ROBO2: variants seen among roughly 807,000 people sequenced by gnomAD.
The protein encoded by ROBO2 is roundabout guidance receptor 2.
Under a neutral mutation model 160.8 loss-of-function variants are expected in ROBO2, and 53 were observed. That is an observed-to-expected ratio of 0.33 (90% CI 0.26 to 0.41). The LOEUF is 0.41. Ranked by LOEUF, ROBO2 falls within the 10% of genes least tolerant of loss-of-function variation. The pLI, the probability that ROBO2 is intolerant of heterozygous loss-of-function variation, is 1.00. For synonymous variants in ROBO2, 664 were observed against 611.7 expected (o/e 1.09, Z -1.26); for missense variants, 1,577 against 1,722.4 (o/e 0.92, Z 1.49).
At chr3:77,062,494 A>T (rs2066422035) in intron 1 of ROBO2, among the ~76,000 whole-genome samples, 1 of 152,170 alleles carries the variant, frequency 6.6e-6, no homozygotes, top group South Asian at 2.1e-4. Context: ...TGACCTCCAA[A>T]TGTATAGGAA....
chr3:76,202,546 A>G (rs2107262086), intron 2 of ROBO2, among the ~76,000 whole-genome samples: 1 of 152,300 alleles, frequency 6.6e-6, no homozygotes, highest in East Asian at 1.9e-4. Flanking sequence ...AATTTATTAA[A>G]TGGATCATAG....
At chr3:77,597,301 A>C (rs768478263) in intron 19 of ROBO2, among the ~76,000 whole-genome samples, 2 of 104,394 alleles carry the variant, frequency 1.9e-5, no homozygotes, top group Non-Finnish European at 4.3e-5. Flanking sequence ...ATCCAAAAAT[A>C]AATAAATAAA....
At chr3:77,255,116 T>C (rs2153316287) in intron 2 of ROBO2, among the ~76,000 whole-genome samples, 2 of 152,340 alleles carry the variant, frequency 1.3e-5, no homozygotes, top group Middle Eastern at 3.4e-3. Flanking sequence ...GGATTTTCTT[T>C]TGGTAAAGGG....
intron 5 of ROBO2, among the ~76,000 whole-genome samples, chr3:77,501,174 A>G (rs929476278): frequency 1.3e-5 from 2 of 152,080 alleles, no homozygotes; most frequent in African/African-American, 4.8e-5. Flanking sequence ...CCTTAAACCA[A>G]ACTATAGGAC....
At chr3:77,428,918 T>C (rs2078492982) in intron 2 of ROBO2, among the ~76,000 whole-genome samples, 1 of 152,160 alleles carries the variant, frequency 6.6e-6, no homozygotes, top group Non-Finnish European at 1.5e-5. Flanking sequence ...CTCATAGAGT[T>C]TGAGTTTTTA....
At chr3:77,296,742 G>A (rs962698012) in intron 2 of ROBO2, among the ~76,000 whole-genome samples, 1 of 152,110 alleles carries the variant, frequency 6.6e-6, no homozygotes, top group African/African-American at 2.4e-5. Flanking sequence ...AGGCTGAAAG[G>A]TTACTTGCTG....
At chr3:77,305,946 T>C (rs1414800744) in intron 2 of ROBO2, among the ~76,000 whole-genome samples, 4 of 152,198 alleles carry the variant, frequency 2.6e-5, no homozygotes, top group Admixed American at 6.5e-5. Context: ...TAATATATAC[T>C]GATTTCAGGT....
At chr3:76,364,899 T>A (rs2075724114) in intron 2 of ROBO2, among the ~76,000 whole-genome samples, 3 of 152,108 alleles carry the variant, frequency 2.0e-5, no homozygotes, top group Non-Finnish European at 4.4e-5. Flanking sequence ...AGTTTGCATC[T>A]CATCTGATTC....
At chr3:75,937,891 A>G (rs1576216221) in intron 2 of ROBO2, among the ~76,000 whole-genome samples, 1 of 129,576 alleles carries the variant, frequency 7.7e-6, no homozygotes, top group African/African-American at 3.0e-5. Flanking sequence ...TTATGAGGCT[A>G]TGTGTGTGTG....
Position 77,595,116 on chromosome 3 carries a change from G to T in ROBO2, c.2684-26G>T, listed in dbSNP as rs368589607. 193 of 1,595,888 alleles carry T rather than the reference G, an allele frequency of 1.2e-4. No homozygotes were observed. In the Middle Eastern group the frequency reaches 1.3e-3, roughly 11 times the overall value. On this transcript the variant is annotated intron_variant, in intron 17 of 25. Transcript: ENST00000461745. ...TAATATTGACTACTTGTGTGTGCATGTCTTCCTTTTTTTCTTTTTTCATAG... is the reference window on the plus strand; with the variant it reads ...TAATATTGACTACTTGTGTGTGCATTTCTTCCTTTTTTTCTTTTTTCATAG...
At chr3:77,571,639 T>C (rs1277050067) in intron 13 of ROBO2, among the ~76,000 whole-genome samples, 1 of 152,016 alleles carries the variant, frequency 6.6e-6, no homozygotes, top group Non-Finnish European at 1.5e-5. Flanking sequence ...TTTCAGAAAA[T>C]ACTATTTTAA....
At chr3:75,958,504 A>G (rs996270600) in intron 2 of ROBO2, among the ~76,000 whole-genome samples, 12 of 151,754 alleles carry the variant, frequency 7.9e-5, no homozygotes, top group African/African-American at 2.7e-4. Context: ...AAGAAAAAAT[A>G]ATAGGGAGTT....
intron 2 of ROBO2, among the ~76,000 whole-genome samples, chr3:76,119,951 TTCCTTCCTTCC>T: frequency 7.2e-6 from 1 of 138,342 alleles, no homozygotes; most frequent in South Asian, 2.7e-4. Flanking sequence ...CCTTCCTTCC[TTCCTTCCTTCC>T]TTCCTTCCTT....
intron 2 of ROBO2, among the ~76,000 whole-genome samples, chr3:76,847,808 G>A (rs1222194960): frequency 6.6e-6 from 1 of 151,932 alleles, no homozygotes; most frequent in Non-Finnish European, 1.5e-5. Flanking sequence ...TATCATTATG[G>A]TGTAATAACA....
At chr3:76,594,556 T>C (rs1454224119) in intron 2 of ROBO2, among the ~76,000 whole-genome samples, 4 of 152,030 alleles carry the variant, frequency 2.6e-5, no homozygotes. Context: ...TTATCCATCA[T>C]TCCCCTGTTC....
chr3:75,996,542 T>G (rs1050683039), intron 2 of ROBO2, among the ~76,000 whole-genome samples: 1 of 152,188 alleles, frequency 6.6e-6, no homozygotes, highest in South Asian at 2.1e-4. Flanking sequence ...ATAATAGACC[T>G]TAGTGACTAA....
chr3:75,945,810 A>G (rs1948267901), intron 2 of ROBO2, among the ~76,000 whole-genome samples: 1 of 143,464 alleles, frequency 7.0e-6, no homozygotes, highest in African/African-American at 2.5e-5. Context: ...TAGAAAAGTA[A>G]CTTGTTCTGT....
chr3:77,072,542 G>A (rs573579041), intron 1 of ROBO2, among the ~76,000 whole-genome samples: 3 of 152,174 alleles, frequency 2.0e-5, no homozygotes, highest in African/African-American at 7.2e-5. Context: ...TCTTACCATG[G>A]CTAATTCCAT....
chr3:76,558,686 A>G (rs2083964881), intron 2 of ROBO2, among the ~76,000 whole-genome samples: 1 of 152,110 alleles, frequency 6.6e-6, no homozygotes. Flanking sequence ...GCTGATGCAA[A>G]CAAGTTTCTC....
Sources: allele counts gnomAD v4.1 joint callset (sites outside exome capture counted in the v4.1 genomes callset), GRCh38; gene constraint gnomAD v4.1.1; transcripts MANE v1.5; gene names NCBI Gene and HGNC (gene_info 2026-07-23, HGNC 2026-07-21).